Variants in HSF5 observed in about 807,000 individuals in gnomAD.
The protein encoded by HSF5 is heat shock factor protein 5.
HSF5 carries 5 observed loss-of-function variants against 50.8 expected under a neutral mutation model. That is an observed-to-expected ratio of 0.10 (90% CI 0.05 to 0.21). The LOEUF (loss-of-function observed/expected upper bound fraction) is 0.21. HSF5 is among the 10% of genes least tolerant of loss of function. HSF5 has a pLI of 1.00. For missense variants in HSF5, 564 were observed against 762.6 expected, an observed-to-expected ratio of 0.74 and a Z score of 3.07; for synonymous variants, 307 against 307.4, an observed-to-expected ratio of 1.00 and a Z score of 0.02.
At chr17:58,462,647 A>G (rs888419360) in intron 4 of HSF5, 135 bp downstream of exon 4, 1 of 804,250 alleles carries the variant, frequency 1.2e-6, no homozygotes, top group South Asian at 1.9e-5. Context: ...CCACTGGGAC[A>G]TGATCCTCCT....
At chr17:58,470,212 T>C (rs1457206546) in intron 2 of HSF5, among the ~76,000 whole-genome samples, 1 of 152,220 alleles carries the variant, frequency 6.6e-6, no homozygotes, top group Non-Finnish European at 1.5e-5. Context: ...AAGGTATCTG[T>C]ACACCCATGT....
At chr17:58,439,268 TG>T (rs1264376565) in intron 5 of HSF5, among the ~76,000 whole-genome samples, 1 of 138,920 alleles carries the variant, frequency 7.2e-6, no homozygotes, top group African/African-American at 2.7e-5. Context: ...AGAAAGCCAA[TG>T]GAAAAAAAAA....
At chr17:58,426,497 G>A (rs1567904541) in intron 5 of HSF5, among the ~76,000 whole-genome samples, 1 of 152,182 alleles carries the variant, frequency 6.6e-6, no homozygotes. Context: ...CAAGAGACAA[G>A]AGCATTGCAT....
At chr17:58,453,305 C>A (rs780645245) in intron 5 of HSF5, among the ~76,000 whole-genome samples, 3 of 152,114 alleles carry the variant, frequency 2.0e-5, no homozygotes, top group Non-Finnish European at 4.4e-5. Flanking sequence ...AAAATACTAG[C>A]AAACCAGGCC....
chr17:58,483,740 G>A (rs1039267786), intron 1 of HSF5, among the ~76,000 whole-genome samples: 1 of 152,086 alleles, frequency 6.6e-6, no homozygotes, highest in Non-Finnish European at 1.5e-5. Context: ...TAACAAAAGC[G>A]CACAAAGGAA....
At position 58,451,973 on chromosome 17, in the gene HSF5, C is replaced by T. The variant is rs144304324; in HGVS notation, c.1720+6795G>A. ...TAAAAAAAAAAAAAAAAAAGGACGG[C>T]CAGGTGTGACTCATGCCTGCAATGC... On this transcript the variant is annotated intron_variant, in intron 5 of 5. Coordinates refer to ENST00000323777, the MANE Select transcript of HSF5 (RefSeq NM_001080439.3). Among the ~76,000 whole-genome samples the T allele has an allele frequency of 8.2e-3, 1,197 of 145,102 alleles. 13 individuals are homozygous for T. Among genetic ancestry groups the T allele is most frequent in the African/African-American group, 0.029 (1,131 of 39,480 alleles).
rs1441499322 is a variant in HSF5 at position 58,486,864 on chromosome 17, CT to C, written c.550+860del. On this transcript the variant is annotated intron_variant, in intron 1 of 5. Coordinates refer to ENST00000323777, the MANE Select transcript of HSF5 (RefSeq NM_001080439.3). ...TCCACTGCAGGCACCTTTTCCAAAACTTTCCCTTGCCTGCTATTGTAATGTT... is the reference window on the plus strand; with the variant it reads ...TCCACTGCAGGCACCTTTTCCAAAACTTCCCTTGCCTGCTATTGTAATGTT... Among the ~76,000 whole-genome samples the C allele has an allele frequency of 2.0e-5, 3 of 150,088 alleles. No individual in the cohort carries two copies. The East Asian group carries it at 5.9e-4, about 29-fold the overall frequency.
At chr17:58,462,526 CAA>C (rs1315525088) in intron 4 of HSF5, among the ~76,000 whole-genome samples, 1 of 152,120 alleles carries the variant, frequency 6.6e-6, no homozygotes, top group African/African-American at 2.4e-5. Context: ...CTTCATACTA[CAA>C]CGCTCAATTA....
At chr17:58,472,781 A>G (rs1974965241) in intron 2 of HSF5, among the ~76,000 whole-genome samples, 1 of 152,116 alleles carries the variant, frequency 6.6e-6, no homozygotes, top group African/African-American at 2.4e-5. Flanking sequence ...ACAGAAATGA[A>G]TTAGAGGCAG....
chr17:58,465,004 T>G (rs1315660448), intron 3 of HSF5, among the ~76,000 whole-genome samples: 1 of 149,128 alleles, frequency 6.7e-6, no homozygotes, highest in East Asian at 2.0e-4. Flanking sequence ...GGCACAATCA[T>G]AGCTCACTAT....
chr17:58,487,151 C>G lies in HSF5; in HGVS notation c.550+574G>C, dbSNP rs559121171. ...TCAAACTCCTAACCTCGTGATGCAC[C>G]CGCCTCGGCCTCCCAAAGTGCTGGG... On this transcript the variant is annotated intron_variant, in intron 1 of 5. Transcript: ENST00000323777. Among the ~76,000 whole-genome samples, 8 of 152,250 alleles carry G rather than the reference C, an allele frequency of 5.3e-5. No individual in the cohort carries two copies. In the South Asian group the frequency reaches 1.7e-3, roughly 32 times the overall value.
rs1464730216 is a variant in HSF5 at position 58,488,396 on chromosome 17, A to G, written c.-122T>C. ...GGCGCCCATCCGCCGCGTACCAGGG[A>G]CCGTTGGCGCACGAGGCCCCGCGGC... is the stretch of plus-strand genomic sequence containing the variant. On this transcript the variant is annotated 5_prime_UTR_variant, in exon 1 of 6. Transcript: ENST00000323777. The surrounding 1 kb of genome is among the most constrained non-coding windows in gnomAD (Gnocchi z 4.1). 2 of 1,294,908 alleles carry G rather than the reference A, an allele frequency of 1.5e-6. No individual in the cohort carries two copies. Among genetic ancestry groups the G allele is most frequent in the African/African-American group, 1.6e-5 (1 of 64,408 alleles). The allele number at this position is 1,294,908 out of a possible 1,614,324, so 80.2% of individuals were successfully genotyped here. A position where few individuals can be genotyped will look rare whatever the true frequency, so the allele number is the denominator to read the frequency against.
At position 58,484,831 on chromosome 17, in the gene HSF5, T is replaced by C. The variant is rs532557523; in HGVS notation, c.550+2894A>G. Among the ~76,000 whole-genome samples, 7 of 152,252 alleles carry C rather than the reference T, an allele frequency of 4.6e-5. No individual in the cohort carries two copies. The South Asian group carries it at 8.3e-4, about 18-fold the overall frequency. Reference sequence around the variant, plus strand: ...ATAACCTAGTTCCTTATCTTCTAAATTCCAAATGAACCAAGTACTGTTGTC... The same window carrying C: ...ATAACCTAGTTCCTTATCTTCTAAACTCCAAATGAACCAAGTACTGTTGTC... On this transcript the variant is annotated intron_variant, in intron 1 of 5. Transcript: ENST00000323777.
intron 2 of HSF5, among the ~76,000 whole-genome samples, chr17:58,470,551 A>C (rs1166780846): frequency 6.6e-6 from 1 of 152,228 alleles, no homozygotes; most frequent in African/African-American, 2.4e-5. Context: ...TGGGTGATGA[A>C]AAGTTTTGGA....
In HSF5 at chr17:58,456,129, A is replaced by ATG. The variant is rs538448291; in HGVS notation, c.1720+2637_1720+2638dup. Among the ~76,000 whole-genome samples the ATG allele has an allele frequency of 4.1e-4, 59 of 143,066 alleles. No homozygotes were observed. The South Asian group carries it at 5.9e-3, about 14-fold the overall frequency. The allele number at this position is 143,066 out of a possible 152,430, so 93.9% of individuals were successfully genotyped here. On this transcript the variant is annotated intron_variant, in intron 5 of 5. Transcript: ENST00000323777. ...AAGAAAATGTGATATATATATATAT[A>ATG]TGTGTGTGTGTATATATATATATGT... is the stretch of plus-strand genomic sequence containing the variant.
At chr17:58,437,808 G>A (rs1974445560) in intron 5 of HSF5, among the ~76,000 whole-genome samples, 1 of 152,054 alleles carries the variant, frequency 6.6e-6, no homozygotes, top group Non-Finnish European at 1.5e-5. Flanking sequence ...AATGTATCTG[G>A]TTCCCCACTG....
chr17:58,455,078 A>G (rs2143769408), intron 5 of HSF5, among the ~76,000 whole-genome samples: 1 of 152,302 alleles, frequency 6.6e-6, no homozygotes, highest in East Asian at 1.9e-4. Context: ...TTCAAAATAC[A>G]CTACCAAAGC....
At chr17:58,428,994 C>G (rs370875134) in intron 5 of HSF5, among the ~76,000 whole-genome samples, 2 of 152,052 alleles carry the variant, frequency 1.3e-5, no homozygotes, top group African/African-American at 4.8e-5. Context: ...GCCCAAATGC[C>G]CATCAGTTAA....
At chr17:58,474,283 A>G (rs997032648) in intron 2 of HSF5, among the ~76,000 whole-genome samples, 9 of 152,204 alleles carry the variant, frequency 5.9e-5, no homozygotes, top group South Asian at 4.1e-4. Context: ...TTGTATTAAC[A>G]ATAAAATTTT....
Sources: allele counts gnomAD v4.1 joint callset (sites outside exome capture counted in the v4.1 genomes callset), GRCh38; gene constraint gnomAD v4.1.1; non-coding constraint Gnocchi (gnomAD v3.1); transcripts MANE v1.5; gene names NCBI Gene and HGNC (gene_info 2026-07-23, HGNC 2026-07-21).